The following TOP1 variants were observed in gnomAD, a reference collection of about 807,000 sequenced individuals.
The protein encoded by TOP1 is DNA topoisomerase I.
Under a neutral mutation model 111.1 loss-of-function variants are expected in TOP1, and 10 were observed. The observed-to-expected ratio is 0.09, with a 90% CI of 0.06 to 0.15. TOP1 has a LOEUF of 0.15. Ranked by LOEUF, TOP1 falls within the 10% of genes least tolerant of loss-of-function variation. TOP1 has a pLI of 1.00. For missense variants in TOP1, 474 were observed against 926.7 expected, an observed-to-expected ratio of 0.51 and a Z score of 6.34; for synonymous variants, 271 against 302.9, an observed-to-expected ratio of 0.89 and a Z score of 1.10.
intron 8 of TOP1, among the ~76,000 whole-genome samples, chr20:41,084,914 T>TTCAA (rs2033829680): frequency 6.6e-6 from 1 of 151,990 alleles, no homozygotes; most frequent in Non-Finnish European, 1.5e-5. Context: ...AAACTGCCTG[T>TTCAA]TCAACAACAG....
At position 41,058,959 on chromosome 20, in the gene TOP1, G is replaced by A. The variant is rs530233670; in HGVS notation, c.59-2435G>A. On this transcript the variant is annotated intron_variant, in intron 2 of 20. Transcript: ENST00000361337. The surrounding 1 kb of genome is among the most constrained non-coding windows in gnomAD (Gnocchi z 4.2). Reference sequence around the variant, plus strand: ...ACTGGATTAAAAAAAAGAATGTGGCGCATGTACACCACGGAATACTGTGCA... The same window carrying A: ...ACTGGATTAAAAAAAAGAATGTGGCACATGTACACCACGGAATACTGTGCA... 4.4e-4 allele frequency among the ~76,000 whole-genome samples: 67 copies of A among 152,010 alleles called. No individual in the cohort carries two copies. Among genetic ancestry groups the A allele is most frequent in the Non-Finnish European group, 8.5e-4 (58 of 68,014 alleles).
rs1052953006 is a variant in TOP1 at position 41,046,815 on chromosome 20, C to T, written c.59-14579C>T. Among the ~76,000 whole-genome samples, 3 of 152,190 alleles carry T rather than the reference C, an allele frequency of 2.0e-5. No homozygotes were observed. The highest frequency in any genetic ancestry group is 7.2e-5 in the African/African-American group (3 of 41,444). ...AACAAGTATGATGTTGTTCCCACTT[C>T]AAGGGGAATAAATAACAAATTTAAC... On this transcript the variant is annotated intron_variant, in intron 2 of 20. Transcript: ENST00000361337. This position sits in a 1 kb window ranked among gnomAD's most constrained non-coding sequence, Gnocchi z 4.3.
chr20:41,047,666 G>T (rs560307265), intron 2 of TOP1, among the ~76,000 whole-genome samples: 12 of 152,224 alleles, frequency 7.9e-5, no homozygotes, highest in Admixed American at 7.9e-4. Context: ...GGTAGTTTTT[G>T]TGCTACTGTG....
Position 41,123,164 on chromosome 20 carries a change from A to G in TOP1, c.2196-31A>G. The G allele has an allele frequency of 6.6e-7, 1 of 1,521,834 alleles. No individual in the cohort carries two copies. The highest frequency in any genetic ancestry group is 9.1e-7 in the Non-Finnish European group (1 of 1,096,644). The allele number at this position is 1,521,834 out of a possible 1,614,324, so 94.3% of individuals were successfully genotyped here. A position where few individuals can be genotyped will look rare whatever the true frequency, so the allele number is the denominator to read the frequency against. On this transcript the variant is annotated intron_variant, in intron 20 of 20. Coordinates refer to ENST00000361337, the MANE Select transcript of TOP1 (RefSeq NM_003286.4). This position sits in a 1 kb window ranked among gnomAD's most constrained non-coding sequence, Gnocchi z 5.8. ...ATATGGGCCATTGCTGAGTCACCCT[A>G]ATCCCCCCCTTATTTCTCCTTTGTT...
At position 41,082,133 on chromosome 20, in the gene TOP1, A is replaced by G. The variant is rs1318805560; in HGVS notation, c.507+893A>G. 6.6e-6 allele frequency among the ~76,000 whole-genome samples: 1 copy of G among 152,194 alleles called. No homozygotes were observed. Among genetic ancestry groups the G allele is most frequent in the African/African-American group, 2.4e-5 (1 of 41,448 alleles). On this transcript the variant is annotated intron_variant, in intron 7 of 20. Coordinates refer to ENST00000361337, the MANE Select transcript of TOP1 (RefSeq NM_003286.4). The surrounding 1 kb of genome is among the most constrained non-coding windows in gnomAD (Gnocchi z 4.1). ...GGTGAGTTCTTAGCTCTTATGCTAC[A>G]TTTGAGGTTAGCCACTGTCATGGGC...
intron 3 of TOP1, among the ~76,000 whole-genome samples, chr20:41,064,472 GCA>G (rs1426751192): frequency 1.3e-5 from 2 of 152,016 alleles, no homozygotes; most frequent in Non-Finnish European, 2.9e-5. Flanking sequence ...TCTTTCTAAT[GCA>G]CAGTCATTCC....
At chr20:41,043,082 A>G (rs1050293848) in intron 2 of TOP1, among the ~76,000 whole-genome samples, 4 of 152,164 alleles carry the variant, frequency 2.6e-5, no homozygotes, top group African/African-American at 4.8e-5. Context: ...GTGGTTCTCA[A>G]TGTGTGGTTT....
rs2034331341 is a variant in TOP1, at chr20:41,116,451, G to A, written c.1822+59G>A. ...CCTACTAATGGTATCCGGTGACCTTGCTTATCTAAGGCCTAGAGTCAGTTC... is the reference window on the plus strand; with the variant it reads ...CCTACTAATGGTATCCGGTGACCTTACTTATCTAAGGCCTAGAGTCAGTTC... On this transcript the variant is annotated intron_variant, in intron 17 of 20. Coordinates refer to ENST00000361337, the MANE Select transcript of TOP1 (RefSeq NM_003286.4). The surrounding 1 kb of genome is among the most constrained non-coding windows in gnomAD (Gnocchi z 5.6). 1.5e-6 allele frequency: 2 copies of A among 1,356,110 alleles called. No homozygotes were observed. Among genetic ancestry groups the A allele is most frequent in the South Asian group, 2.4e-5 (2 of 84,626 alleles). 84.0% of individuals were successfully genotyped at this position (1,356,110 alleles called of 1,614,324 possible). A position where few individuals can be genotyped will look rare whatever the true frequency, so the allele number is the denominator to read the frequency against.
chr20:41,083,996 G>A lies in TOP1; in HGVS notation c.508-466G>A, dbSNP rs1325822884. Among the ~76,000 whole-genome samples, 1 of 152,052 alleles carries A rather than the reference G, an allele frequency of 6.6e-6. No individual in the cohort carries two copies. Among genetic ancestry groups the A allele is most frequent in the Non-Finnish European group, 1.5e-5 (1 of 67,990 alleles). On this transcript the variant is annotated intron_variant, in intron 7 of 20. Coordinates refer to ENST00000361337, the MANE Select transcript of TOP1 (RefSeq NM_003286.4). The surrounding 1 kb of genome is among the most constrained non-coding windows in gnomAD (Gnocchi z 7.2). ...TGACTTTGTGTATACAAGCAGCAGC[G>A]ATAGTACTATACTCCACTAAATCAA...
At chr20:41,032,000 A>C (rs1019537053) in intron 2 of TOP1, among the ~76,000 whole-genome samples, 1 of 152,204 alleles carries the variant, frequency 6.6e-6, no homozygotes, top group African/African-American at 2.4e-5. Context: ...TTGCTATCTC[A>C]AGTAATACAT....
intron 3 of TOP1, chr20:41,072,328 TC>T: frequency 1.0e-6 from 1 of 985,436 alleles, no homozygotes; most frequent in Non-Finnish European, 1.2e-6. Flanking sequence ...AAATGAACTT[TC>T]TGCATTGGTC....
chr20:41,081,567 A>G (rs535784052), intron 7 of TOP1, among the ~76,000 whole-genome samples: 2 of 152,324 alleles, frequency 1.3e-5, no homozygotes, highest in Admixed American at 6.5e-5. Context: ...AAGAAACCAC[A>G]TTTTGGCTTA....
intron 2 of TOP1, among the ~76,000 whole-genome samples, chr20:41,056,119 A>C (rs1467721991): frequency 3.3e-5 from 5 of 152,214 alleles, no homozygotes; most frequent in African/African-American, 1.2e-4. Context: ...AGAGTATTAT[A>C]AGCAAATTCC....
In TOP1 at chr20:41,121,836, T is replaced by G. The variant is rs753184603; in HGVS notation, c.2045+46T>G. 1.3e-5 allele frequency: 21 copies of G among 1,592,848 alleles called. No homozygotes were observed. Among genetic ancestry groups the G allele is most frequent in the Non-Finnish European group, 1.8e-5 (21 of 1,160,860 alleles). ...AAGTTGGGGCTGGTAGAGAAAAGTG[T>G]GCAGCATCTGTCAGGGCCCCTGGGG... On this transcript the variant is annotated intron_variant, in intron 19 of 20. Transcript: ENST00000361337. This position sits in a 1 kb window ranked among gnomAD's most constrained non-coding sequence, Gnocchi z 4.2.
chr20:41,060,500 G>C (rs2033531163), intron 2 of TOP1, among the ~76,000 whole-genome samples: 1 of 152,186 alleles, frequency 6.6e-6, no homozygotes, highest in East Asian at 1.9e-4. Flanking sequence ...TTGGGCAAGG[G>C]GTGGAAGATG....
At position 41,122,684 on chromosome 20, in the gene TOP1, T is replaced by C. The variant is rs1380067768; in HGVS notation, c.2196-511T>C. On this transcript the variant is annotated intron_variant, in intron 20 of 20. Transcript: ENST00000361337. This position sits in a 1 kb window ranked among gnomAD's most constrained non-coding sequence, Gnocchi z 5.4. ...ACATCTGAAACAAGTGGCTTTGTTATGGAAGATGTTTAGTTTGAGCTGTTA... is the reference window on the plus strand; with the variant it reads ...ACATCTGAAACAAGTGGCTTTGTTACGGAAGATGTTTAGTTTGAGCTGTTA... Among the ~76,000 whole-genome samples the C allele has an allele frequency of 3.3e-5, 5 of 152,246 alleles. No individual in the cohort carries two copies. The highest frequency in any genetic ancestry group is 1.2e-4 in the African/African-American group (5 of 41,466).
In TOP1 at chr20:41,122,197, G is replaced by A. The variant is rs912057040; in HGVS notation, c.2195+42G>A. 5.6e-6 allele frequency: 9 copies of A among 1,608,992 alleles called. No homozygotes were observed. Among genetic ancestry groups the A allele is most frequent in the Non-Finnish European group, 7.6e-6 (9 of 1,176,500 alleles). ...CCTTGAGCTCCTGCTGCTAGCTTAA[G>A]AAAGGTGGAGGGGGTTCCGAGAGCA... On this transcript the variant is annotated intron_variant, in intron 20 of 20. Transcript: ENST00000361337. This position sits in a 1 kb window ranked among gnomAD's most constrained non-coding sequence, Gnocchi z 5.4.
At chr20:41,060,532 C>T (rs899489117) in intron 2 of TOP1, among the ~76,000 whole-genome samples, 3 of 152,102 alleles carry the variant, frequency 2.0e-5, no homozygotes, top group Admixed American at 6.5e-5. Flanking sequence ...GGAAGGAGCA[C>T]GAGGGAAACT....
chr20:41,030,012 C>T lies in TOP1; in HGVS notation c.58+557C>T, dbSNP rs1435418921. ...TTTCTGCTTCCAGAATGAAAGATTT[C>T]CTTAAGCAACTGTTAATTTTTTTTT... On this transcript the variant is annotated intron_variant, in intron 2 of 20. Coordinates refer to ENST00000361337, the MANE Select transcript of TOP1 (RefSeq NM_003286.4). This position sits in a 1 kb window ranked among gnomAD's most constrained non-coding sequence, Gnocchi z 4.1. Among the ~76,000 whole-genome samples, 1 of 152,136 alleles carries T rather than the reference C, an allele frequency of 6.6e-6. No individual in the cohort carries two copies. Among genetic ancestry groups the T allele is most frequent in the Admixed American group, 6.5e-5 (1 of 15,270 alleles).
Sources: allele counts gnomAD v4.1 joint callset (sites outside exome capture counted in the v4.1 genomes callset), GRCh38; gene constraint gnomAD v4.1.1; non-coding constraint Gnocchi (gnomAD v3.1); transcripts MANE v1.5; gene names NCBI Gene and HGNC (gene_info 2026-07-23, HGNC 2026-07-21).